Variants in RPGRIP1L observed in about 807,000 individuals in gnomAD.
RPGRIP1L encodes RPGRIP1 like, also known as protein fantom.
Under a neutral mutation model 160.4 loss-of-function variants are expected in RPGRIP1L, and 131 were observed. The observed-to-expected ratio is 0.82, with a 90% confidence interval of 0.71 to 0.94. The LOEUF (loss-of-function observed/expected upper bound fraction) is 0.94, where lower values mean the gene tolerates loss of function less well. RPGRIP1L is among the 40% of genes least tolerant of loss of function. The pLI is 0.00. For synonymous variants in RPGRIP1L, 510 were observed against 515.8 expected (o/e 0.99, Z 0.15); for missense variants, 1,522 against 1,535.8 (o/e 0.99, Z 0.15).
At position 53,645,301 on chromosome 16, in the gene RPGRIP1L, A is replaced by G. The variant is rs748968785; in HGVS notation, c.2683+324T>C. Among the ~76,000 whole-genome samples, 159 of 152,074 alleles carry G rather than the reference A, an allele frequency of 1.0e-3. 1 individual carries two copies. Among genetic ancestry groups the G allele is most frequent in the Non-Finnish European group, 1.9e-3 (127 of 67,996 alleles). Reference sequence around the variant, plus strand: ...ATACATAGAGATGCATACTATATACATATATACAATAATAATTGCAAAAAG... The same window carrying G: ...ATACATAGAGATGCATACTATATACGTATATACAATAATAATTGCAAAAAG... On this transcript the variant is annotated intron_variant, in intron 17 of 26. Transcript: ENST00000647211.
chr16:53,678,220 A>T (rs1483264112), intron 6 of RPGRIP1L, among the ~76,000 whole-genome samples: 1 of 152,092 alleles, frequency 6.6e-6, no homozygotes, highest in Admixed American at 6.6e-5. Context: ...CCATCTCTAG[A>T]TTAAGAACAA....
intron 10 of RPGRIP1L, among the ~76,000 whole-genome samples, chr16:53,663,155 C>T (rs1218204258): frequency 2.0e-5 from 3 of 151,690 alleles, no homozygotes; most frequent in African/African-American, 7.3e-5. Context: ...ACATACTGGA[C>T]TTTTTCATAA....
rs1254118860 is a variant in RPGRIP1L, at chr16:53,600,284, G to C, written c.*1792C>G. 6.6e-6 allele frequency: 1 copy of C among 152,602 alleles called. No individual in the cohort carries two copies. The highest frequency in any genetic ancestry group is 1.5e-5 in the Non-Finnish European group (1 of 68,042). The allele number at this position is 152,602 out of a possible 1,614,324, so 9.5% of individuals were successfully genotyped here. ...ATAAAGCCAAAGAAAGCTAGAAAAA[G>C]GGGCCAAAAAAATGAGCTCAGAGCC... On this transcript the variant is annotated 3_prime_UTR_variant, in exon 27 of 27. Transcript: ENST00000647211.
chr16:53,676,388 A>G (rs956661013), intron 6 of RPGRIP1L, among the ~76,000 whole-genome samples: 7 of 148,378 alleles, frequency 4.7e-5, no homozygotes, highest in Middle Eastern at 6.8e-3. Flanking sequence ...GCCACTAAAA[A>G]TACATATATA....
chr16:53,628,764 T>G (rs1212790160), intron 22 of RPGRIP1L: 2 of 152,210 alleles, frequency 1.3e-5, no homozygotes, highest in African/African-American at 4.8e-5. Context: ...ATTAAACAAA[T>G]AAGGTAAACG....
intron 10 of RPGRIP1L, chr16:53,659,693 G>A (rs1196641008): frequency 1.3e-5 from 2 of 152,076 alleles, no homozygotes; most frequent in East Asian, 3.9e-4. Flanking sequence ...AGATCAGCCT[G>A]GGCAACACAG....
intron 14 of RPGRIP1L, among the ~76,000 whole-genome samples, chr16:53,654,699 G>A (rs1454658657): frequency 6.6e-6 from 1 of 152,104 alleles, no homozygotes; most frequent in African/African-American, 2.4e-5. Flanking sequence ...ATGCATTAGG[G>A]GCTTGATCAT....
At chr16:53,614,196 C>A (rs1964219539) in intron 24 of RPGRIP1L, among the ~76,000 whole-genome samples, 1 of 152,162 alleles carries the variant, frequency 6.6e-6, no homozygotes, top group South Asian at 2.1e-4. Flanking sequence ...TCAAAATACT[C>A]TTTTTGAAAA....
intron 8 of RPGRIP1L, among the ~76,000 whole-genome samples, chr16:53,672,229 A>G (rs1336798879): frequency 6.6e-6 from 1 of 152,280 alleles, no homozygotes; most frequent in East Asian, 1.9e-4. Flanking sequence ...AGTTTTATTC[A>G]TAAGTATATT....
intron 12 of RPGRIP1L, 89 bp from the exon 13 acceptor site, chr16:53,657,721 A>T: frequency 1.4e-6 from 1 of 739,682 alleles, no homozygotes; most frequent in Non-Finnish European, 2.2e-6. Flanking sequence ...TAAATAATTC[A>T]TTGATTGATC....
chr16:53,602,614 A>G (rs1160601221), intron 26 of RPGRIP1L, among the ~76,000 whole-genome samples: 1 of 152,050 alleles, frequency 6.6e-6, no homozygotes, highest in African/African-American at 2.4e-5. Context: ...TGTCTCTACT[A>G]AAAATACAAA....
intron 6 of RPGRIP1L, among the ~76,000 whole-genome samples, chr16:53,685,780 C>T (rs768598076): frequency 7.9e-5 from 12 of 152,028 alleles, no homozygotes; most frequent in Admixed American, 1.3e-4. Context: ...ATCTGGGTGA[C>T]GGGATTATCT....
intron 22 of RPGRIP1L, chr16:53,628,124 G>GTA (rs1965298199): frequency 1.3e-5 from 2 of 151,878 alleles, no homozygotes; most frequent in Admixed American, 1.3e-4. Context: ...AATACTGTGT[G>GTA]TGTGTGTGTG....
rs368946048 is a variant in RPGRIP1L, at chr16:53,601,327, T to C, written c.*749A>G. ...AAGTTTTCAACGTGTAAATTTCACA[T>C]CTATCTATATAACTATCTCCTTTTT... is the stretch of plus-strand genomic sequence containing the variant. On this transcript the variant is annotated 3_prime_UTR_variant, in exon 27 of 27. Coordinates refer to ENST00000647211, the MANE Select transcript of RPGRIP1L (RefSeq NM_015272.5). 1.3e-5 allele frequency: 2 copies of C among 152,354 alleles called. No individual in the cohort carries two copies. The highest frequency in any genetic ancestry group is 1.5e-5 in the Non-Finnish European group (1 of 68,036). The allele number at this position is 152,354 out of a possible 1,614,324, so 9.4% of individuals were successfully genotyped here.
intron 26 of RPGRIP1L, 123 bp downstream of exon 26, chr16:53,605,358 T>G: frequency 9.3e-7 from 1 of 1,070,662 alleles, no homozygotes; most frequent in Admixed American, 1.7e-5. Flanking sequence ...CAACTTGAGT[T>G]GTAAAGGATT....
chr16:53,610,401 C>T (rs1963952632), intron 25 of RPGRIP1L, among the ~76,000 whole-genome samples: 1 of 152,160 alleles, frequency 6.6e-6, no homozygotes, highest in Non-Finnish European at 1.5e-5. Context: ...TGAGCCATTA[C>T]AAACAATAAT....
rs530081433 is a variant in RPGRIP1L at position 53,652,687 on chromosome 16, T to C, written c.2000A>G (p.Asp667Gly). Residue 667 changes from aspartate to glycine, a missense_variant, in exon 15 of 27, where the codon GAC becomes GGC. By Grantham distance (94) the Asp-to-Gly change is moderately conservative (BLOSUM62 -1). Coordinates refer to ENST00000647211, the MANE Select transcript of RPGRIP1L (RefSeq NM_015272.5). ...CTTCTGAATATATTGCAAAAATAAGTCATTAACATGAACAAGATATTGAGA... is the reference window on the plus strand; with the variant it reads ...CTTCTGAATATATTGCAAAAATAAGCCATTAACATGAACAAGATATTGAGA... ...FTSQYLVHVN[D>G]LFLQYIQKNT... 6.8e-6 allele frequency: 11 copies of C among 1,614,058 alleles called. No homozygotes were observed. In the South Asian group the frequency reaches 9.9e-5, roughly 14 times the overall value.
In RPGRIP1L at chr16:53,692,301, G is replaced by T. The variant is rs776786509; in HGVS notation, c.294C>A (p.Gly98=). Residue 98 remains glycine (G), a synonymous_variant, in exon 4 of 27, where the codon GGC becomes GGA. Coordinates refer to ENST00000647211, the MANE Select transcript of RPGRIP1L (RefSeq NM_015272.5). ...CCACATCTCGTCCCAGCCGCTTGGG[G>T]CCGCCACCAACCCGCTCATATCTTT... ...DKKRYERVGG[G]PKRLGRDVEM... The T allele has an allele frequency of 3.1e-6, 5 of 1,614,038 alleles. No homozygotes were observed. The highest frequency in any genetic ancestry group is 3.4e-6 in the Non-Finnish European group (4 of 1,180,004).
Position 53,641,493 on chromosome 16 carries a change from T to C in RPGRIP1L, c.2684-18A>G, listed in dbSNP as rs759164958. 3.8e-6 allele frequency: 6 copies of C among 1,599,068 alleles called. No individual in the cohort carries two copies. The highest frequency in any genetic ancestry group is 5.1e-6 in the Non-Finnish European group (6 of 1,166,772). On this transcript the variant is annotated intron_variant, in intron 17 of 26. Transcript: ENST00000647211. ...AAATATTCCTGTCAAATTACAATAATTTTAATTAATGCTAGAGTGAAGTTT... is the reference window on the plus strand; with the variant it reads ...AAATATTCCTGTCAAATTACAATAACTTTAATTAATGCTAGAGTGAAGTTT...
Sources: allele counts gnomAD v4.1 joint callset (sites outside exome capture counted in the v4.1 genomes callset), GRCh38; gene constraint gnomAD v4.1.1; transcripts MANE v1.5; gene names NCBI Gene and HGNC (gene_info 2026-07-23, HGNC 2026-07-21).